The following SYT9 variants were observed in gnomAD, a reference collection of about 807,000 sequenced individuals.
The protein encoded by SYT9 is synaptotagmin 9, also known as synaptotagmin-9.
SYT9 carries 22 observed loss-of-function variants against 48.4 expected under a neutral mutation model. The observed-to-expected ratio is 0.45, with a 90% CI of 0.32 to 0.65. The LOEUF (loss-of-function observed/expected upper bound fraction) is 0.65, where lower values mean the gene tolerates loss of function less well. Among genes scored for constraint, SYT9 ranks in the 30% least tolerant of loss-of-function variants. The pLI is 0.03. For synonymous variants in SYT9, 265 were observed against 245.0 expected (o/e 1.08, Z -0.76); for missense variants, 577 against 622.0 (o/e 0.93, Z 0.77).
intron 1 of SYT9, among the ~76,000 whole-genome samples, chr11:7,280,665 A>T (rs1848476715): frequency 6.6e-6 from 1 of 152,198 alleles, no homozygotes; most frequent in South Asian, 2.1e-4. Flanking sequence ...AGCTACCAAT[A>T]AGATATTGCT....
intron 1 of SYT9, among the ~76,000 whole-genome samples, chr11:7,254,610 A>G (rs1363005866): frequency 1.3e-5 from 2 of 152,184 alleles, no homozygotes. Flanking sequence ...ACAACCATGC[A>G]CAGCAGCCCT....
intron 6 of SYT9, among the ~76,000 whole-genome samples, chr11:7,429,829 G>A (rs769021453): frequency 3.3e-5 from 5 of 152,132 alleles, no homozygotes; most frequent in Non-Finnish European, 4.4e-5. Context: ...AACAAGCATG[G>A]TGAAAAGAGG....
At chr11:7,388,853 T>C (rs1564886257) in intron 3 of SYT9, among the ~76,000 whole-genome samples, 2 of 152,200 alleles carry the variant, frequency 1.3e-5, no homozygotes, top group Non-Finnish European at 2.9e-5. Context: ...CCAGCCCTAC[T>C]GTTAACTAAC....
intron 3 of SYT9, among the ~76,000 whole-genome samples, chr11:7,372,682 T>A (rs1225971523): frequency 6.6e-6 from 1 of 152,192 alleles, no homozygotes; most frequent in South Asian, 2.1e-4. Context: ...TATTTTTATA[T>A]ACTTATTCTT....
At chr11:7,298,761 G>A (rs1453638938) in intron 1 of SYT9, among the ~76,000 whole-genome samples, 2 of 152,074 alleles carry the variant, frequency 1.3e-5, no homozygotes, top group Admixed American at 1.3e-4. Context: ...GTGTGCTAGG[G>A]ATGTTGCTAC....
chr11:7,258,291 A>C (rs1176364973), intron 1 of SYT9, among the ~76,000 whole-genome samples: 2 of 152,194 alleles, frequency 1.3e-5, no homozygotes, highest in African/African-American at 4.8e-5. Context: ...ACAAGTATGG[A>C]GTATGTATTT....
chr11:7,460,302 A>G (rs1848214629), intron 6 of SYT9, among the ~76,000 whole-genome samples: 1 of 152,174 alleles, frequency 6.6e-6, no homozygotes, highest in Admixed American at 6.5e-5. Flanking sequence ...TTTAAACACC[A>G]ATTTTACGTT....
At chr11:7,440,205 A>G (rs993837201) in intron 6 of SYT9, 3 of 152,054 alleles carry the variant, frequency 2.0e-5, no homozygotes, top group Non-Finnish European at 2.9e-5. Context: ...GTTTTCACAT[A>G]GTTTCCCACA....
At chr11:7,368,213 A>G (rs570499046) in intron 3 of SYT9, among the ~76,000 whole-genome samples, 1 of 152,360 alleles carries the variant, frequency 6.6e-6, no homozygotes, top group South Asian at 2.1e-4. Flanking sequence ...GAATAAAGTA[A>G]CATTTCCTAA....
In SYT9 at chr11:7,252,252, T is replaced by TG. The variant is rs907626518; in HGVS notation, c.70dup (p.Ala24GlyfsTer68). ...AGCTGCTGGCCGAGCTCTGTGCCCG[T>TG]GGGGCCCTGGAGCACGACAGCTGCC... On this transcript the variant is annotated frameshift_variant, in exon 1 of 7. Transcript: ENST00000318881. LOFTEE classifies it high-confidence loss of function. This position sits in a 1 kb window ranked among gnomAD's most constrained non-coding sequence, Gnocchi z 6.3. 6.6e-7 allele frequency: 1 copy of TG among 1,506,480 alleles called. No individual in the cohort carries two copies. The highest frequency in any genetic ancestry group is 8.9e-7 in the Non-Finnish European group (1 of 1,127,892). 93.3% of individuals were successfully genotyped at this position (1,506,480 alleles called of 1,614,324 possible).
chr11:7,238,830 A>G (rs1281724962), exon 1 of SYT9: 1 of 455,802 alleles, frequency 2.2e-6, no homozygotes, highest in African/African-American at 2.0e-5. Context: ...TCAATTTGGG[A>G]AAGAATGATA....
Position 7,251,906 on chromosome 11 carries a change from T to C in SYT9, c.-281T>C. The C allele has an allele frequency of 5.8e-6, 2 of 344,682 alleles. No individual in the cohort carries two copies. The highest frequency in any genetic ancestry group is 1.0e-5 in the Non-Finnish European group (2 of 191,118). The allele number at this position is 344,682 out of a possible 1,614,324, so 21.4% of individuals were successfully genotyped here. A position where few individuals can be genotyped will look rare whatever the true frequency, so the allele number is the denominator to read the frequency against. On this transcript the variant is annotated 5_prime_UTR_variant, in exon 1 of 7. Coordinates refer to ENST00000318881, the MANE Select transcript of SYT9 (RefSeq NM_175733.4). Reference sequence around the variant, plus strand: ...GGGCGGAGCGCAAGCAGAGAGGCGCTCTGGGCTGTGCGGCACCGCCTCTCC... The same window carrying C: ...GGGCGGAGCGCAAGCAGAGAGGCGCCCTGGGCTGTGCGGCACCGCCTCTCC...
chr11:7,363,157 A>T (rs1260867133), intron 3 of SYT9, among the ~76,000 whole-genome samples: 1 of 150,094 alleles, frequency 6.7e-6, no homozygotes, highest in African/African-American at 2.4e-5. Flanking sequence ...TTCTCTGCTA[A>T]TTTTTTTTTC....
chr11:7,249,019 A>G (rs1409772713), upstream of SYT9, among the ~76,000 whole-genome samples: 1 of 152,216 alleles, frequency 6.6e-6, no homozygotes, highest in African/African-American at 2.4e-5. Context: ...AGAACCCAGA[A>G]ATAAACCCAA....
intron 5 of SYT9, among the ~76,000 whole-genome samples, chr11:7,419,766 A>G (rs780457202): frequency 6.6e-6 from 1 of 152,140 alleles, no homozygotes; most frequent in Admixed American, 6.5e-5. Flanking sequence ...GCATGGTGGC[A>G]TGCACCTGTA....
intron 3 of SYT9, among the ~76,000 whole-genome samples, chr11:7,408,863 A>T (rs1401132853): frequency 3.3e-5 from 5 of 151,994 alleles, no homozygotes; most frequent in Non-Finnish European, 7.4e-5. Context: ...GTTCTGAATG[A>T]TGCCTTTTAT....
intron 6 of SYT9, 148 bp downstream of exon 6, chr11:7,420,783 C>T: frequency 3.1e-6 from 3 of 958,710 alleles, no homozygotes; most frequent in Non-Finnish European, 4.6e-6. Context: ...TTGGGACTTG[C>T]ATTCAATTTG....
intron 1 of SYT9, among the ~76,000 whole-genome samples, chr11:7,276,298 C>T (rs1360105833): frequency 6.6e-6 from 1 of 152,174 alleles, no homozygotes; most frequent in African/African-American, 2.4e-5. Flanking sequence ...TATTTCCAGC[C>T]ATCAGACCTC....
chr11:7,387,308 TAAAA>T (rs747619250), intron 3 of SYT9, among the ~76,000 whole-genome samples: 1 of 149,930 alleles, frequency 6.7e-6, no homozygotes, highest in African/African-American at 2.5e-5. Flanking sequence ...TAAAGTATAA[TAAAA>T]AAAAAGAACT....
Sources: allele counts gnomAD v4.1 joint callset (sites outside exome capture counted in the v4.1 genomes callset), GRCh38; gene constraint gnomAD v4.1.1; non-coding constraint Gnocchi (gnomAD v3.1); transcripts MANE v1.5; gene names NCBI Gene and HGNC (gene_info 2026-07-23, HGNC 2026-07-21).